The following PRUNE2 variants were observed in gnomAD, a reference collection of about 807,000 sequenced individuals.
PRUNE2 encodes the protein prune homolog 2 with BCH domain.
A neutral mutation model predicts 252.0 loss-of-function variants in PRUNE2; 164 were observed. The observed-to-expected ratio is 0.65, with a 90% confidence interval of 0.57 to 0.74. The LOEUF is 0.74. Ranked by LOEUF, PRUNE2 falls within the 30% of genes least tolerant of loss-of-function variation. The pLI is 0.00. For missense variants in PRUNE2, 3,495 were observed against 3,711.0 expected, an observed-to-expected ratio of 0.94 and a Z score of 1.51; for synonymous variants, 1,292 against 1,350.2, an observed-to-expected ratio of 0.96 and a Z score of 0.94.
chr9:76,844,929 T>C (rs1467175797), intron 4 of PRUNE2, among the ~76,000 whole-genome samples: 1 of 141,398 alleles, frequency 7.1e-6, no homozygotes, highest in Non-Finnish European at 1.5e-5. Context: ...TTTGGGAGAC[T>C]GAAGCCGGTG....
intron 9 of PRUNE2, among the ~76,000 whole-genome samples, chr9:76,663,579 G>C (rs1350775944): frequency 6.6e-6 from 1 of 152,134 alleles, no homozygotes; most frequent in Admixed American, 6.5e-5. Context: ...TTCTTGAATT[G>C]TTCCCTGAAT....
chr9:76,654,736 T>C (rs139991783), intron 10 of PRUNE2, among the ~76,000 whole-genome samples: 1 of 152,334 alleles, frequency 6.6e-6, no homozygotes, highest in East Asian at 1.9e-4. Flanking sequence ...ATAGAACATT[T>C]AGAAATAATT....
Position 76,711,233 on chromosome 9 carries a change from G to A in PRUNE2, c.1041C>T (p.Leu347=), listed in dbSNP as rs202242623. ...DPSVTCDQVV[L]VVKEVINRRC... ...TCCTGTTGATGACTTCCTTGACAAC[G>A]AGAACCACCTGATCACAAGTCACTG... Residue 347 remains leucine, a synonymous_variant, in exon 8 of 19, where the codon CTC becomes CTT. Coordinates refer to ENST00000376718, the MANE Select transcript of PRUNE2 (RefSeq NM_015225.3). 1,093 of 1,613,842 alleles carry A rather than the reference G, an allele frequency of 6.8e-4. 2 individuals carry two copies. The highest frequency in any genetic ancestry group is 5.5e-4 in the Non-Finnish European group (652 of 1,179,842).
rs1203147793 is a variant in PRUNE2 at position 76,629,228 on chromosome 9, G to A, written c.9113C>T (p.Pro3038Leu). 16 of 1,606,092 alleles carry A rather than the reference G, an allele frequency of 1.0e-5. No individual in the cohort carries two copies. Among genetic ancestry groups the A allele is most frequent in the Non-Finnish European group, 1.4e-5 (16 of 1,175,836 alleles). The change falls in exon 16 of 19, where the codon CCA becomes CTA. Residue 3038 changes from proline (P) to leucine (L), a missense_variant. Transcript: ENST00000376718. ...NSLSELSGLI[P>L]MDCIHIPESI... ...CTCTGGAATGTGGATGCAATCCATT[G>A]GGATCAGCCCACTGAGTTCTGATAA...
Position 76,906,081 on chromosome 9 carries a change from T to G in PRUNE2, c.-118A>C. ...CCGCCGGGGCGCAGCGACCGACTGCTCCCTCCTGCCGCTCTGAGGCGGCTG... is the reference window on the plus strand; with the variant it reads ...CCGCCGGGGCGCAGCGACCGACTGCGCCCTCCTGCCGCTCTGAGGCGGCTG... On this transcript the variant is annotated 5_prime_UTR_variant, in exon 1 of 19. Coordinates refer to ENST00000376718, the MANE Select transcript of PRUNE2 (RefSeq NM_015225.3). 2 of 1,089,560 alleles carry G rather than the reference T, an allele frequency of 1.8e-6. No homozygotes were observed. Among genetic ancestry groups the G allele is most frequent in the Non-Finnish European group, 2.8e-6 (2 of 714,384 alleles). The allele number at this position is 1,089,560 out of a possible 1,614,324, so 67.5% of individuals were successfully genotyped here.
chr9:76,774,815 CAG>C (rs972739770), intron 6 of PRUNE2, among the ~76,000 whole-genome samples: 1 of 152,058 alleles, frequency 6.6e-6, no homozygotes, highest in Non-Finnish European at 1.5e-5. Context: ...ATGGAGGAAA[CAG>C]GGGAGCTTTA....
chr9:76,756,202 G>C (rs1019326311), intron 6 of PRUNE2, among the ~76,000 whole-genome samples: 1 of 152,210 alleles, frequency 6.6e-6, no homozygotes, highest in Non-Finnish European at 1.5e-5. Flanking sequence ...GGTCATGTAA[G>C]TGCATATGTC....
At chr9:76,891,242 GAAT>G (rs1287764406) in intron 1 of PRUNE2, among the ~76,000 whole-genome samples, 1 of 152,200 alleles carries the variant, frequency 6.6e-6, no homozygotes, top group Non-Finnish European at 1.5e-5. Context: ...TTGGAAGAGA[GAAT>G]TTGACAGAAT....
chr9:76,880,928 C>T (rs564772535), intron 1 of PRUNE2, among the ~76,000 whole-genome samples: 20 of 150,596 alleles, frequency 1.3e-4, no homozygotes, highest in Non-Finnish European at 2.4e-4. Flanking sequence ...ATATAACACA[C>T]ACAAATAGAA....
At chr9:76,837,475 A>AATAATAATAATAATG (rs1443162277) in intron 4 of PRUNE2, among the ~76,000 whole-genome samples, 12 of 42,512 alleles carry the variant, frequency 2.8e-4, no homozygotes, top group African/African-American at 1.5e-3. Context: ...TAATAATAAT[A>AATAATAATAATAATG]ATGCTATTAA....
intron 6 of PRUNE2, among the ~76,000 whole-genome samples, chr9:76,755,713 C>G (rs2051079448): frequency 6.6e-6 from 1 of 152,112 alleles, no homozygotes; most frequent in East Asian, 1.9e-4. Context: ...GTTTTTGTTT[C>G]TGTTTTGAGT....
At chr9:76,888,502 G>T (rs183911222) in intron 1 of PRUNE2, among the ~76,000 whole-genome samples, 1 of 151,794 alleles carries the variant, frequency 6.6e-6, no homozygotes, top group Non-Finnish European at 1.5e-5. Flanking sequence ...GCTTGAACCC[G>T]AGAGGTGGAG....
intron 11 of PRUNE2, among the ~76,000 whole-genome samples, chr9:76,650,043 T>C (rs1027273563): frequency 6.6e-6 from 1 of 152,128 alleles, no homozygotes; most frequent in African/African-American, 2.4e-5. Flanking sequence ...AAGTCCAATC[T>C]GGTAACAGAC....
chr9:76,905,650 A>G (rs2063448132), intron 1 of PRUNE2, among the ~76,000 whole-genome samples: 1 of 152,138 alleles, frequency 6.6e-6, no homozygotes, highest in Non-Finnish European at 1.5e-5. Flanking sequence ...CAAACTGCTG[A>G]TTTAGGGACC....
At chr9:76,779,413 CTCT>C (rs2054139348) in intron 6 of PRUNE2, among the ~76,000 whole-genome samples, 1 of 152,120 alleles carries the variant, frequency 6.6e-6, no homozygotes, top group Admixed American at 6.5e-5. Context: ...CATATCAAAG[CTCT>C]TCTTCAAGAC....
chr9:76,775,304 C>CT (rs112338922), intron 6 of PRUNE2, among the ~76,000 whole-genome samples: 11,273 of 149,554 alleles, frequency 0.075, 1,306 homozygotes, highest in African/African-American at 0.25. Flanking sequence ...TGTACTTTGT[C>CT]TTTTTTTTTT....
At chr9:76,811,177 T>A (rs2057333846) in intron 6 of PRUNE2, among the ~76,000 whole-genome samples, 3 of 152,164 alleles carry the variant, frequency 2.0e-5, no homozygotes, top group Admixed American at 2.0e-4. Context: ...CAAAATGACA[T>A]TATAGTACAC....
intron 9 of PRUNE2, among the ~76,000 whole-genome samples, chr9:76,670,820 A>C (rs932041124): frequency 6.6e-6 from 1 of 151,824 alleles, no homozygotes; most frequent in Non-Finnish European, 1.5e-5. Context: ...AGGGTACTCC[A>C]ACAGACCTGC....
At chr9:76,864,645 CA>C (rs1167582575) in intron 1 of PRUNE2, among the ~76,000 whole-genome samples, 1 of 151,858 alleles carries the variant, frequency 6.6e-6, no homozygotes, top group Non-Finnish European at 1.5e-5. Flanking sequence ...ATTAAAAGGG[CA>C]ATATTTCTGA....
Sources: allele counts gnomAD v4.1 joint callset (sites outside exome capture counted in the v4.1 genomes callset), GRCh38; gene constraint gnomAD v4.1.1; transcripts MANE v1.5; gene names NCBI Gene and HGNC (gene_info 2026-07-23, HGNC 2026-07-21).